The following SLC35B3 variants were observed in gnomAD, a reference collection of about 807,000 sequenced individuals.
SLC35B3 encodes the protein solute carrier family 35 member B3, also known as adenosine 3'-phospho 5'-phosphosulfate transporter 2.
In SLC35B3, 35 loss-of-function variants were observed where a neutral mutation model predicts 44.1. That is an observed-to-expected ratio of 0.79 (90% confidence interval 0.61 to 1.05). SLC35B3 has a LOEUF of 1.05. Ranked by LOEUF, SLC35B3 falls within the 50% of genes least tolerant of loss-of-function variation. The probability of loss-of-function intolerance (pLI) is 0.00; values close to 1 mark genes in which losing one functional copy is unlikely to be tolerated. For synonymous variants in SLC35B3, 146 were observed against 167.3 expected (o/e 0.87, Z 0.98); for missense variants, 414 against 476.4 (o/e 0.87, Z 1.22).
At chr6:8,416,465 C>T (rs148915554) in intron 9 of SLC35B3, among the ~76,000 whole-genome samples, 3 of 152,246 alleles carry the variant, frequency 2.0e-5, no homozygotes, top group South Asian at 2.1e-4. Context: ...TGGTTGATGT[C>T]CTAGAAAATG....
intron 10 of SLC35B3, 111 bp from the exon 10 acceptor site, chr6:8,413,810 T>G: frequency 1.6e-6 from 1 of 621,264 alleles, no homozygotes; most frequent in East Asian, 2.9e-5. Flanking sequence ...AGTAAAATTC[T>G]ATTAGAAGCC....
rs374599213 is a variant in SLC35B3 at position 8,417,502 on chromosome 6, A to C, written c.781-8T>G. 2.0e-6 allele frequency: 3 copies of C among 1,521,604 alleles called. No homozygotes were observed. The highest frequency in any genetic ancestry group is 2.7e-6 in the Non-Finnish European group (3 of 1,127,222). The allele number at this position is 1,521,604 out of a possible 1,614,324, so 94.3% of individuals were successfully genotyped here. On this transcript the variant is annotated splice_region_variant and splice_polypyrimidine_tract_variant and intron_variant, in intron 7 of 10. Transcript: ENST00000644923. ...TGAATACGAATACAATACCTAGAGCAGATAAAAATAAAGCAGAAAAAAGTA... is the reference window on the plus strand; with the variant it reads ...TGAATACGAATACAATACCTAGAGCCGATAAAAATAAAGCAGAAAAAAGTA...
intron 7 of SLC35B3, among the ~76,000 whole-genome samples, chr6:8,418,527 A>C (rs1411281197): frequency 1.3e-5 from 2 of 148,866 alleles, no homozygotes; most frequent in Non-Finnish European, 3.0e-5. Flanking sequence ...AAAACCAGTT[A>C]CAAGATATAC....
intron 4 of SLC35B3, among the ~76,000 whole-genome samples, chr6:8,426,966 T>C (rs1466482620): frequency 6.6e-6 from 1 of 152,246 alleles, no homozygotes; most frequent in Non-Finnish European, 1.5e-5. Flanking sequence ...ACTCTTGTTA[T>C]GTTTTAGCAA....
rs5874147 is a variant in SLC35B3, at chr6:8,434,033, A to AATAT, written c.3+348_3+351dup. On this transcript the variant is annotated intron_variant, in intron 2 of 10. Transcript: ENST00000644923. This position sits in a 1 kb window ranked among gnomAD's most constrained non-coding sequence, Gnocchi z 6.3. ...AGCTCACAGTAATCAGTGAAACTAAAATATATATATATATATTTTAAAAAT... is the reference window on the plus strand; with the variant it reads ...AGCTCACAGTAATCAGTGAAACTAAAATATATATATATATATATATTTTAAAAAT... Among the ~76,000 whole-genome samples, 5 of 48,228 alleles carry AATAT rather than the reference A, an allele frequency of 1.0e-4. No homozygotes were observed. The highest frequency in any genetic ancestry group is 4.1e-4 in the African/African-American group (5 of 12,194). The allele number at this position is 48,228 out of a possible 152,430, so 31.6% of individuals were successfully genotyped here. A position where few individuals can be genotyped will look rare whatever the true frequency, so the allele number is the denominator to read the frequency against.
chr6:8,422,554 AG>A lies in SLC35B3; in HGVS notation c.489del (p.Leu164TrpfsTer4), dbSNP rs766248146. On this transcript the variant is annotated frameshift_variant, in exon 5 of 11. Transcript: ENST00000644923. LOFTEE classifies it high-confidence loss of function. ...TGGGTAGGGTAATTCAGGTAGCCCAAGGAAGTGTTTGATAACCCCATAGTAC... is the reference window on the plus strand; with the variant it reads ...TGGGTAGGGTAATTCAGGTAGCCCAAGAAGTGTTTGATAACCCCATAGTAC... 6 of 1,613,282 alleles carry A rather than the reference AG, an allele frequency of 3.7e-6. No individual in the cohort carries two copies. Among genetic ancestry groups the A allele is most frequent in the African/African-American group, 2.7e-5 (2 of 74,914 alleles).
In SLC35B3 at chr6:8,423,939, G is replaced by A. The variant is rs571522822; in HGVS notation, c.420-1315C>T. Among the ~76,000 whole-genome samples the A allele has an allele frequency of 3.3e-5, 5 of 152,232 alleles. No individual in the cohort carries two copies. The East Asian group carries it at 9.7e-4, about 30-fold the overall frequency. ...GGAGCACCACTTCGCCAGGTAAAAT[G>A]ATACAAGTCAAGGTGGTCAGATTTT... On this transcript the variant is annotated intron_variant, in intron 4 of 10. Transcript: ENST00000644923.
Position 8,422,521 on chromosome 6 carries a change from A to G in SLC35B3, c.523T>C (p.Phe175Leu), listed in dbSNP as rs961790317. 1 of 1,613,774 alleles carries G rather than the reference A, an allele frequency of 6.2e-7. No homozygotes were observed. The highest frequency in any genetic ancestry group is 1.1e-5 in the South Asian group (1 of 91,066). The stretch of plus-strand genomic sequence containing the variant: ...ACAGGAATCAATTTGCAGCACTTGA[A>G]GATGACTTGGGTAGGGTAATTCAGG... The change falls in exon 5 of 11, where the codon TTC (phenylalanine) becomes CTC (leucine). Residue 175 changes from phenylalanine to leucine, a missense_variant. By Grantham distance (22) the Phe-to-Leu change is conservative (BLOSUM62 0). Transcript: ENST00000644923.
At chr6:8,414,051 T>C (rs962534816) in intron 10 of SLC35B3, among the ~76,000 whole-genome samples, 4 of 152,150 alleles carry the variant, frequency 2.6e-5, no homozygotes, top group Admixed American at 6.5e-5. Flanking sequence ...AAGGCCATTT[T>C]GGTAATTAAA....
At chr6:8,425,667 C>T (rs1763344244) in intron 4 of SLC35B3, among the ~76,000 whole-genome samples, 1 of 151,926 alleles carries the variant, frequency 6.6e-6, no homozygotes, top group African/African-American at 2.4e-5. Context: ...CAAACTTCAA[C>T]ACCATTTTAT....
At chr6:8,429,223 C>T (rs974266516) in intron 3 of SLC35B3, among the ~76,000 whole-genome samples, 2 of 152,106 alleles carry the variant, frequency 1.3e-5, no homozygotes, top group African/African-American at 4.8e-5. Flanking sequence ...ACCCATCCAG[C>T]CCATGTCTTT....
At chr6:8,422,753 T>G in intron 4 of SLC35B3, 129 bp from the exon 4 acceptor site, 1 of 705,612 alleles carries the variant, frequency 1.4e-6, no homozygotes, top group East Asian at 2.8e-5. Flanking sequence ...GAAATATCAG[T>G]AAAAAATATC....
chr6:8,416,828 C>T, intron 9 of SLC35B3, 56 bp downstream of exon 8: 1 of 788,504 alleles, frequency 1.3e-6, no homozygotes, highest in South Asian at 2.2e-5. Context: ...TGAAAAAGAG[C>T]ATCAGAGAAA....
rs1561746919 is a variant in SLC35B3, at chr6:8,417,417, T to A, written c.858A>T (p.Val286=). 2 of 1,592,710 alleles carry A rather than the reference T, an allele frequency of 1.3e-6. No individual in the cohort carries two copies. Among genetic ancestry groups the A allele is most frequent in the Non-Finnish European group, 1.7e-6 (2 of 1,170,966 alleles). ...TAGTGTTTACCTTTGCACAAAATGT[T>A]ACTGCAGGGCCTAATCCACTAGTGC... Residue 286 remains valine, a synonymous_variant, in exon 8 of 11, where the codon GTA becomes GTT. Transcript: ENST00000644923.
In SLC35B3 at chr6:8,430,363, A is replaced by G. The variant is rs562121065; in HGVS notation, c.4-206T>C. ...TTGTCTACAGCTGATAAAGATTAGT[A>G]CATCATTAAACTGAATATAAACCAT... On this transcript the variant is annotated intron_variant, in intron 2 of 10. Coordinates refer to ENST00000644923, the MANE Select transcript of SLC35B3 (RefSeq NM_001370476.2). Among the ~76,000 whole-genome samples, 4 of 152,326 alleles carry G rather than the reference A, an allele frequency of 2.6e-5. No homozygotes were observed. In the South Asian group the frequency reaches 8.3e-4, roughly 32 times the overall value.
chr6:8,424,498 G>A (rs1763232856), intron 4 of SLC35B3, among the ~76,000 whole-genome samples: 1 of 152,160 alleles, frequency 6.6e-6, no homozygotes, highest in African/African-American at 2.4e-5. Flanking sequence ...AACCTCAGGT[G>A]ATCAACCTGC....
rs1358222993 is a variant in SLC35B3, at chr6:8,424,274, C to T, written c.420-1650G>A. 5.9e-5 allele frequency among the ~76,000 whole-genome samples: 9 copies of T among 151,812 alleles called. No homozygotes were observed. In the South Asian group the frequency reaches 8.3e-4, roughly 14 times the overall value. On this transcript the variant is annotated intron_variant, in intron 4 of 10. Coordinates refer to ENST00000644923, the MANE Select transcript of SLC35B3 (RefSeq NM_001370476.2). ...TGGGGAGAAAATTTTTTTTTTGAGACGGAGTCTCGCTCTTGTTGCCCAGGC... is the reference window on the plus strand; with the variant it reads ...TGGGGAGAAAATTTTTTTTTTGAGATGGAGTCTCGCTCTTGTTGCCCAGGC...
rs777373532 is a variant in SLC35B3, at chr6:8,432,362, C to A, written c.3+2023G>T. On this transcript the variant is annotated intron_variant, in intron 2 of 10. Transcript: ENST00000644923. This position sits in a 1 kb window ranked among gnomAD's most constrained non-coding sequence, Gnocchi z 4.8. ...AATAAATAAAACTTCTAGAAAATATCTTTCTTTCCTGCTTTTATTGGCATC... is the reference window on the plus strand; with the variant it reads ...AATAAATAAAACTTCTAGAAAATATATTTCTTTCCTGCTTTTATTGGCATC... 6.6e-5 allele frequency among the ~76,000 whole-genome samples: 10 copies of A among 151,882 alleles called. No individual in the cohort carries two copies. The highest frequency in any genetic ancestry group is 1.0e-4 in the Non-Finnish European group (7 of 68,020).
rs1039079870 is a variant in SLC35B3, at chr6:8,413,907, T to C, written c.1056-208A>G. On this transcript the variant is annotated intron_variant, in intron 10 of 10. Coordinates refer to ENST00000644923, the MANE Select transcript of SLC35B3 (RefSeq NM_001370476.2). Reference sequence around the variant, plus strand: ...CTTTTAATAATGCATTGAGTAGATATAAAGAAAGATATTTTACAAAATTTT... The same window carrying C: ...CTTTTAATAATGCATTGAGTAGATACAAAGAAAGATATTTTACAAAATTTT... Among the ~76,000 whole-genome samples, 3 of 152,100 alleles carry C rather than the reference T, an allele frequency of 2.0e-5. No individual in the cohort carries two copies. In the East Asian group the frequency reaches 5.8e-4, roughly 29 times the overall value.
Sources: allele counts gnomAD v4.1 joint callset (sites outside exome capture counted in the v4.1 genomes callset), GRCh38; gene constraint gnomAD v4.1.1; non-coding constraint Gnocchi (gnomAD v3.1); transcripts MANE v1.5; gene names NCBI Gene and HGNC (gene_info 2026-07-23, HGNC 2026-07-21).